Variants in RALY observed in about 807,000 individuals in gnomAD.
The protein encoded by RALY is RNA-binding protein Raly.
A neutral mutation model predicts 30.7 loss-of-function variants in RALY; 15 were observed. The ratio of observed to expected loss-of-function variants is 0.49; its 90% CI spans 0.33 to 0.75. The LOEUF is 0.75. Ranked by LOEUF, RALY falls within the 30% of genes least tolerant of loss-of-function variation. The probability of loss-of-function intolerance (pLI) is 0.02; values close to 1 mark genes in which losing one functional copy is unlikely to be tolerated. For missense variants in RALY, 339 were observed against 414.3 expected, an observed-to-expected ratio of 0.82 and a Z score of 1.58; for synonymous variants, 177 against 170.8, an observed-to-expected ratio of 1.04 and a Z score of -0.28.
intron 1 of RALY, among the ~76,000 whole-genome samples, chr20:34,007,851 G>A (rs946681892): frequency 1.3e-5 from 2 of 150,934 alleles, no homozygotes; most frequent in Admixed American, 6.6e-5. Context: ...AGTTCCCTGG[G>A]CCTTAGCTTC....
intron 2 of RALY, among the ~76,000 whole-genome samples, chr20:34,042,995 A>G (rs1341791358): frequency 6.6e-6 from 1 of 152,242 alleles, no homozygotes; most frequent in Non-Finnish European, 1.5e-5. Context: ...ACTAAAAATG[A>G]TCAGAACCTC....
intron 7 of RALY, 60 bp from the exon 8 acceptor site, chr20:34,076,968 C>G: frequency 1.9e-6 from 3 of 1,608,448 alleles, no homozygotes; most frequent in Non-Finnish European, 2.5e-6. Context: ...TAAGGTGCTG[C>G]CCTAGACAGC....
At chr20:34,055,247 A>G (rs1423019317) in intron 2 of RALY, among the ~76,000 whole-genome samples, 5 of 152,194 alleles carry the variant, frequency 3.3e-5, no homozygotes, top group Non-Finnish European at 7.3e-5. Flanking sequence ...TAAGGATGAG[A>G]ATTTAAATAC....
intron 1 of RALY, among the ~76,000 whole-genome samples, chr20:33,999,251 G>A (rs2030796094): frequency 6.6e-6 from 1 of 152,142 alleles, no homozygotes; most frequent in Admixed American, 6.5e-5. Context: ...TTGTAAATGG[G>A]TGCTGTTTAT....
At chr20:34,052,942 T>C (rs1396559455) in intron 2 of RALY, among the ~76,000 whole-genome samples, 1 of 152,214 alleles carries the variant, frequency 6.6e-6, no homozygotes, top group African/African-American at 2.4e-5. Context: ...TGGATTTCTA[T>C]CCAGACAGTG....
intron 2 of RALY, among the ~76,000 whole-genome samples, chr20:34,068,065 T>C (rs1170205812): frequency 6.6e-6 from 1 of 152,184 alleles, no homozygotes; most frequent in African/African-American, 2.4e-5. Context: ...CACACAGGTC[T>C]CTGCTCATCT....
chr20:34,062,686 G>T (rs2033453322), intron 2 of RALY, among the ~76,000 whole-genome samples: 1 of 152,200 alleles, frequency 6.6e-6, no homozygotes, highest in Non-Finnish European at 1.5e-5. Flanking sequence ...AACAAGAGGG[G>T]CATTTGTCAC....
intron 1 of RALY, among the ~76,000 whole-genome samples, chr20:34,012,610 G>C (rs750375013): frequency 6.6e-6 from 1 of 152,160 alleles, no homozygotes; most frequent in South Asian, 2.1e-4. Context: ...GCTTGGGATT[G>C]AACCTGTTTT....
intron 2 of RALY, among the ~76,000 whole-genome samples, chr20:34,054,319 A>G (rs2033172326): frequency 6.6e-6 from 1 of 152,240 alleles, no homozygotes; most frequent in Non-Finnish European, 1.5e-5. Context: ...GGAGTTCAGA[A>G]TTTAATGGAG....
rs1319203841 is a variant in RALY, at chr20:34,081,658, C to G, written c.*1753C>G. Reference sequence around the variant, plus strand: ...GAGGGTGGAGGCTTTGGGCAGTGCTCAAACTCCACCGGGAAGTCTCTCTCA... The same window carrying G: ...GAGGGTGGAGGCTTTGGGCAGTGCTGAAACTCCACCGGGAAGTCTCTCTCA... On this transcript the variant is annotated 3_prime_UTR_variant, in exon 10 of 10. Transcript: ENST00000246194. 3 of 152,288 alleles carry G rather than the reference C, an allele frequency of 2.0e-5. No individual in the cohort carries two copies. Among genetic ancestry groups the G allele is most frequent in the Non-Finnish European group, 2.9e-5 (2 of 68,098 alleles). The allele number at this position is 152,288 out of a possible 1,614,324, so 9.4% of individuals were successfully genotyped here.
intron 2 of RALY, among the ~76,000 whole-genome samples, chr20:34,039,188 A>G (rs1484924829): frequency 1.3e-5 from 2 of 152,256 alleles, no homozygotes; most frequent in African/African-American, 2.4e-5. Flanking sequence ...AGTTAAAAAC[A>G]AAAAGCCGCT....
chr20:34,063,683 T>G (rs1295176051), intron 2 of RALY, among the ~76,000 whole-genome samples: 1 of 152,174 alleles, frequency 6.6e-6, no homozygotes, highest in Non-Finnish European at 1.5e-5. Flanking sequence ...ATTCTTGTAT[T>G]TCAAACTTCT....
At chr20:34,009,386 G>A (rs530330000) in intron 1 of RALY, among the ~76,000 whole-genome samples, 77 of 151,982 alleles carry the variant, frequency 5.1e-4, no homozygotes, top group African/African-American at 1.8e-3. Flanking sequence ...CTACAGGTGC[G>A]CGCCACCATG....
At chr20:34,032,392 G>A (rs2032317538) in intron 2 of RALY, among the ~76,000 whole-genome samples, 1 of 152,176 alleles carries the variant, frequency 6.6e-6, no homozygotes. Flanking sequence ...GAGTGATTAG[G>A]GTTTTATGAA....
In RALY at chr20:34,084,068, T is replaced by C. The variant is rs2034068353; in HGVS notation, c.*4163T>C. Reference sequence around the variant, plus strand: ...CTGGTTACAAGTTACAGAAACTGAATTCAGTCCTGCTTAGTGGGAGGAAGT... The same window carrying C: ...CTGGTTACAAGTTACAGAAACTGAACTCAGTCCTGCTTAGTGGGAGGAAGT... On this transcript the variant is annotated 3_prime_UTR_variant, in exon 10 of 10. Coordinates refer to ENST00000246194, the MANE Select transcript of RALY (RefSeq NM_016732.3). The C allele has an allele frequency of 6.6e-6, 1 of 152,194 alleles. No individual in the cohort carries two copies. The highest frequency in any genetic ancestry group is 6.5e-5 in the Admixed American group (1 of 15,294). The allele number at this position is 152,194 out of a possible 1,614,324, so 9.4% of individuals were successfully genotyped here.
At chr20:34,055,928 G>T (rs2033228551) in intron 2 of RALY, among the ~76,000 whole-genome samples, 1 of 152,172 alleles carries the variant, frequency 6.6e-6, no homozygotes, top group Admixed American at 6.5e-5. Flanking sequence ...TTGAGGAGAG[G>T]AGACTAATAC....
intron 1 of RALY, among the ~76,000 whole-genome samples, chr20:34,029,572 G>C (rs1255640930): frequency 6.6e-6 from 1 of 151,406 alleles, no homozygotes; most frequent in East Asian, 1.9e-4. Flanking sequence ...GGATTTGGCA[G>C]TTGTGGGAAT....
rs1228667096 is a variant in RALY at position 34,082,130 on chromosome 20, T to A, written c.*2225T>A. 6.6e-6 allele frequency: 1 copy of A among 152,346 alleles called. No homozygotes were observed. Among genetic ancestry groups the A allele is most frequent in the Non-Finnish European group, 1.5e-5 (1 of 68,136 alleles). 9.4% of individuals were successfully genotyped at this position (152,346 alleles called of 1,614,324 possible). On this transcript the variant is annotated 3_prime_UTR_variant, in exon 10 of 10. Coordinates refer to ENST00000246194, the MANE Select transcript of RALY (RefSeq NM_016732.3). ...GTCTGCAAGGAGTGCCTCATCTCCC[T>A]GAAGAGCTCTCAGTGGAACATACTT... is the stretch of plus-strand genomic sequence containing the variant.
chr20:34,060,565 T>C (rs2033387269), intron 2 of RALY, among the ~76,000 whole-genome samples: 1 of 152,244 alleles, frequency 6.6e-6, no homozygotes, highest in African/African-American at 2.4e-5. Context: ...TATGTATTGC[T>C]ATTTCCATCT....
Sources: gnomAD v4.1 joint callset for allele counts (sites outside exome capture counted in the v4.1 genomes callset) on GRCh38, gnomAD v4.1.1 for gene constraint, MANE v1.5 for transcripts, NCBI Gene and HGNC (gene_info 2026-07-23, HGNC 2026-07-21) for gene names.